The following FAAH2 variants were observed in gnomAD, a reference collection of about 807,000 sequenced individuals.
The protein encoded by FAAH2 is fatty-acid amide hydrolase 2.
Under a neutral mutation model 36.9 loss-of-function variants are expected in FAAH2, and 60 were observed. That is an observed-to-expected ratio of 1.63 (90% CI 1.32 to 2.02). The LOEUF (loss-of-function observed/expected upper bound fraction) is 2.02. FAAH2 is among the 30% of genes most tolerant of loss of function. The pLI, the probability that FAAH2 is intolerant of heterozygous loss-of-function variation, is 0.00. For synonymous variants in FAAH2, 214 were observed against 143.8 expected (o/e 1.49, Z -3.49); for missense variants, 689 against 397.5 (o/e 1.73, Z -6.23).
At chrX:57,163,543 G>T in the FAAH2 span, among the ~76,000 whole-genome samples, 1 of 112,032 alleles carries the variant, frequency 8.9e-6, no homozygotes, top group Non-Finnish European at 1.9e-5. Flanking sequence ...TCTGAGCCAG[G>T]TGCGAGATAT....
the FAAH2 span, among the ~76,000 whole-genome samples, chrX:57,214,191 T>C: frequency 8.9e-6 from 1 of 112,239 alleles, no homozygotes; most frequent in Non-Finnish European, 1.9e-5. Context: ...TCTGTTTCTT[T>C]AGCAGTAGGT....
intron 10 of FAAH2, among the ~76,000 whole-genome samples, chrX:57,478,852 T>C (rs1442603685): frequency 8.9e-6 from 1 of 111,890 alleles, no homozygotes; most frequent in Non-Finnish European, 1.9e-5. Context: ...TGTATATCTC[T>C]GTTTTGGTAC....
At chrX:57,297,333 A>ATT (rs2052196194) in intron 2 of FAAH2, among the ~76,000 whole-genome samples, 1 of 108,928 alleles carries the variant, frequency 9.2e-6, no homozygotes, top group Non-Finnish European at 1.9e-5. Context: ...TCAACCCAGC[A>ATT]TTTCATATAC....
chrX:57,184,952 G>T, the FAAH2 span, among the ~76,000 whole-genome samples: 1 of 111,125 alleles, frequency 9.0e-6, no homozygotes, highest in Admixed American at 9.6e-5. Flanking sequence ...ATTTTTATTT[G>T]TGTGGATAAA....
intron 7 of FAAH2, among the ~76,000 whole-genome samples, chrX:57,391,167 A>G (rs777598890): frequency 9.1e-6 from 1 of 110,099 alleles, no homozygotes; most frequent in Non-Finnish European, 1.9e-5. Flanking sequence ...TCACTTTTTA[A>G]TGGGGTTTTT....
At chrX:57,452,367 T>A (rs1467921795) in intron 10 of FAAH2, 2 of 731,240 alleles carry the variant, frequency 2.7e-6, no homozygotes, top group Admixed American at 8.7e-5. Flanking sequence ...CCCATGCCAG[T>A]CATTAACAAT....
At chrX:57,391,906 G>A (rs1483334999) in intron 7 of FAAH2, among the ~76,000 whole-genome samples, 8 of 110,034 alleles carry the variant, frequency 7.3e-5, no homozygotes, top group African/African-American at 2.6e-4. Context: ...ATTGCTCTTG[G>A]CAGTATGGTC....
At chrX:57,306,115 A>C (rs186743746) in intron 2 of FAAH2, among the ~76,000 whole-genome samples, 1 of 111,809 alleles carries the variant, frequency 8.9e-6, no homozygotes, top group African/African-American at 3.2e-5. Flanking sequence ...AAGCTTTCTT[A>C]TTTCCAGAAA....
At chrX:57,197,213 C>T in the FAAH2 span, among the ~76,000 whole-genome samples, 2 of 111,534 alleles carry the variant, frequency 1.8e-5, no homozygotes, top group Non-Finnish European at 3.8e-5. Context: ...TCTTTCATTT[C>T]CAGAAGTGCT....
Position 57,489,073 on chromosome X carries a change from C to A in FAAH2, c.*141C>A. The A allele has an allele frequency of 1.7e-6, 1 of 605,240 alleles. No individual in the cohort carries two copies. Among genetic ancestry groups the A allele is most frequent in the Non-Finnish European group, 2.4e-6 (1 of 417,671 alleles). The allele number at this position is 605,240 out of a possible 1,213,427, so 49.9% of individuals were successfully genotyped here. A position where few individuals can be genotyped will look rare whatever the true frequency, so the allele number is the denominator to read the frequency against. ...TTGACTCATTTAGTTATTCTTTCTA[C>A]TTTTATTTCCTTCTCTAACTGTTGG... On this transcript the variant is annotated 3_prime_UTR_variant, in exon 11 of 11. Transcript: ENST00000374900.
upstream of FAAH2, among the ~76,000 whole-genome samples, chrX:57,283,184 C>A (rs1418600914): frequency 8.9e-6 from 1 of 111,942 alleles, no homozygotes; most frequent in African/African-American, 3.2e-5. Context: ...GTGGTTAAAG[C>A]ACTGTGCGTC....
chrX:57,197,459 A>T, the FAAH2 span, among the ~76,000 whole-genome samples: 3 of 111,203 alleles, frequency 2.7e-5, no homozygotes, highest in Non-Finnish European at 3.8e-5. Context: ...TTGTCATATT[A>T]TCAGAACTGT....
the FAAH2 span, among the ~76,000 whole-genome samples, chrX:57,154,068 T>G: frequency 8.9e-6 from 1 of 111,809 alleles, no homozygotes; most frequent in African/African-American, 3.2e-5. Flanking sequence ...ATTTTTCTTC[T>G]TTGTCCTTGT....
At chrX:57,420,855 G>A (rs1224084666) in intron 7 of FAAH2, among the ~76,000 whole-genome samples, 3 of 111,485 alleles carry the variant, frequency 2.7e-5, no homozygotes, top group African/African-American at 3.3e-5. Flanking sequence ...TTGGCTATTG[G>A]TTTGTCATAG....
At chrX:57,435,701 T>C (rs954347555) in intron 8 of FAAH2, among the ~76,000 whole-genome samples, 2 of 111,085 alleles carry the variant, frequency 1.8e-5, no homozygotes, top group African/African-American at 6.5e-5. Context: ...ATAAAACAAA[T>C]ATTACTACAT....
intron 5 of FAAH2, 92 bp downstream of exon 5, chrX:57,341,482 G>C (rs745455814): frequency 7.4e-5 from 72 of 976,612 alleles, no homozygotes; most frequent in Non-Finnish European, 9.2e-5. Context: ...TGCTTATCAG[G>C]GTGATTATTA....
intron 3 of FAAH2, among the ~76,000 whole-genome samples, chrX:57,314,864 C>A (rs1363173735): frequency 9.0e-6 from 1 of 111,108 alleles, no homozygotes; most frequent in Non-Finnish European, 1.9e-5. Context: ...TATAACATAA[C>A]GCCAATGTGA....
At chrX:57,198,398 C>A in the FAAH2 span, among the ~76,000 whole-genome samples, 2 of 111,787 alleles carry the variant, frequency 1.8e-5, no homozygotes, top group Non-Finnish European at 3.8e-5. Context: ...ATTCAGTCAA[C>A]CTAGCCAGTC....
At chrX:57,329,409 G>A (rs988653274) in intron 3 of FAAH2, among the ~76,000 whole-genome samples, 2 of 110,986 alleles carry the variant, frequency 1.8e-5, no homozygotes, top group African/African-American at 6.6e-5. Context: ...GGGTGAGGGT[G>A]GGTCCACTTT....
Sources: allele counts gnomAD v4.1 joint callset (sites outside exome capture counted in the v4.1 genomes callset), GRCh38; gene constraint gnomAD v4.1.1; transcripts MANE v1.5; gene names NCBI Gene and HGNC (gene_info 2026-07-23, HGNC 2026-07-21).